PLCB1: variants seen among roughly 807,000 people sequenced by gnomAD.
PLCB1 encodes phospholipase C beta 1.
Under a neutral mutation model 161.8 loss-of-function variants are expected in PLCB1, and 46 were observed. The ratio of observed to expected loss-of-function variants is 0.28; its 90% CI spans 0.22 to 0.36. The LOEUF is 0.36. Among genes scored for constraint, PLCB1 ranks in the 10% least tolerant of loss-of-function variants. The pLI, the probability that PLCB1 is intolerant of heterozygous loss-of-function variation, is 1.00. For synonymous variants in PLCB1, 517 were observed against 503.7 expected (o/e 1.03, Z -0.35); for missense variants, 1,016 against 1,472.5 (o/e 0.69, Z 5.07).
At chr20:8,569,557 A>T (rs925691977) in intron 3 of PLCB1, among the ~76,000 whole-genome samples, 12 of 152,228 alleles carry the variant, frequency 7.9e-5, no homozygotes, top group African/African-American at 2.2e-4. Context: ...CTAGGATATA[A>T]GTATGAAAGA....
chr20:8,382,012 C>A (rs772108420), intron 3 of PLCB1, among the ~76,000 whole-genome samples: 2 of 151,896 alleles, frequency 1.3e-5, no homozygotes, highest in African/African-American at 4.8e-5. Flanking sequence ...ATTAGTTTGG[C>A]CTTGCTTCTA....
intron 2 of PLCB1, among the ~76,000 whole-genome samples, chr20:8,192,689 A>G (rs1311442265): frequency 6.6e-6 from 1 of 151,960 alleles, no homozygotes; most frequent in Non-Finnish European, 1.5e-5. Flanking sequence ...CTAAGGATTC[A>G]GGGGATGGGG....
chr20:8,417,073 ATTTTTTTTTTTTTT>A lies in PLCB1; in HGVS notation c.246+45641_246+45654del, dbSNP rs3031852. Among the ~76,000 whole-genome samples, 6 of 39,892 alleles carry A rather than the reference ATTTTTTTTTTTTTT, an allele frequency of 1.5e-4. No homozygotes were observed. The South Asian group carries it at 6.6e-3, about 44-fold the overall frequency. The allele number at this position is 39,892 out of a possible 152,430, so 26.2% of individuals were successfully genotyped here. On this transcript the variant is annotated intron_variant, in intron 3 of 31. Coordinates refer to ENST00000338037, the MANE Select transcript of PLCB1 (RefSeq NM_015192.4). ...CACACACATATATATATATATATAT[ATTTTTTTTTTTTTT>A]TTTTTTTTTTTTTTTTTGAGATGGA... is the stretch of plus-strand genomic sequence containing the variant.
At chr20:8,501,892 T>C (rs1283089255) in intron 3 of PLCB1, among the ~76,000 whole-genome samples, 5 of 67,048 alleles carry the variant, frequency 7.5e-5, no homozygotes, top group African/African-American at 2.8e-4. Flanking sequence ...TATATATATA[T>C]ATATATATAT....
At chr20:8,169,066 C>T (rs1158202276) in intron 2 of PLCB1, among the ~76,000 whole-genome samples, 1 of 151,874 alleles carries the variant, frequency 6.6e-6, no homozygotes, top group Non-Finnish European at 1.5e-5. Flanking sequence ...TGAGTGTGCT[C>T]TTGGAAGATG....
At chr20:8,738,258 A>G (rs994646371) in intron 20 of PLCB1, among the ~76,000 whole-genome samples, 3 of 152,252 alleles carry the variant, frequency 2.0e-5, no homozygotes, top group African/African-American at 7.2e-5. Flanking sequence ...CTTTGAAAAC[A>G]TAAACGACTT....
intron 9 of PLCB1, among the ~76,000 whole-genome samples, chr20:8,660,993 C>G (rs6118286): frequency 1.3e-5 from 2 of 151,918 alleles, no homozygotes; most frequent in Admixed American, 6.6e-5. Context: ...ATTCTTGATA[C>G]GCTTTTCATA....
intron 3 of PLCB1, among the ~76,000 whole-genome samples, chr20:8,383,955 T>C (rs1987341303): frequency 6.6e-6 from 1 of 152,162 alleles, no homozygotes; most frequent in Non-Finnish European, 1.5e-5. Context: ...CTCTTAACAT[T>C]TTTTCCTACA....
At chr20:8,662,270 T>C (rs1464821699) in intron 9 of PLCB1, among the ~76,000 whole-genome samples, 1 of 122,546 alleles carries the variant, frequency 8.2e-6, no homozygotes, top group African/African-American at 3.3e-5. Context: ...TACATAAGTA[T>C]TTATTATATA....
chr20:8,302,738 C>G (rs1983964615), intron 2 of PLCB1, among the ~76,000 whole-genome samples: 1 of 152,010 alleles, frequency 6.6e-6, no homozygotes, highest in African/African-American at 2.4e-5. Context: ...TATTTTTTAA[C>G]ATACCCCTTC....
chr20:8,548,319 A>T (rs1985640121), intron 3 of PLCB1, among the ~76,000 whole-genome samples: 1 of 79,204 alleles, frequency 1.3e-5, no homozygotes, highest in Non-Finnish European at 2.5e-5. Flanking sequence ...CCTTCCTTCC[A>T]TCATTTTTTC....
intron 11 of PLCB1, among the ~76,000 whole-genome samples, chr20:8,706,505 G>T (rs966388407): frequency 6.6e-6 from 1 of 152,202 alleles, no homozygotes; most frequent in Non-Finnish European, 1.5e-5. Flanking sequence ...GAGAAGGAGA[G>T]GAGGCGAGAA....
At chr20:8,558,649 C>T (rs1034612238) in intron 3 of PLCB1, among the ~76,000 whole-genome samples, 6 of 151,956 alleles carry the variant, frequency 3.9e-5, no homozygotes, top group African/African-American at 1.4e-4. Context: ...TGTAATCAAA[C>T]TGTTGAAAGC....
intron 23 of PLCB1, among the ~76,000 whole-genome samples, chr20:8,754,062 C>A (rs1981615357): frequency 6.6e-6 from 1 of 152,170 alleles, no homozygotes; most frequent in Non-Finnish European, 1.5e-5. Flanking sequence ...CAAAGTCCAG[C>A]ACCAACCCTT....
chr20:8,495,466 C>G (rs1354207283), intron 3 of PLCB1, among the ~76,000 whole-genome samples: 1 of 140,440 alleles, frequency 7.1e-6, no homozygotes, highest in East Asian at 2.1e-4. Flanking sequence ...GGTGCCATCT[C>G]GGCTCACTGA....
At chr20:8,432,542 G>A (rs1181572529) in intron 3 of PLCB1, among the ~76,000 whole-genome samples, 1 of 152,134 alleles carries the variant, frequency 6.6e-6, no homozygotes, top group African/African-American at 2.4e-5. Flanking sequence ...TCTGGGAGTG[G>A]GGGAGAAAAT....
At chr20:8,529,763 G>A (rs185727182) in intron 3 of PLCB1, among the ~76,000 whole-genome samples, 53 of 152,062 alleles carry the variant, frequency 3.5e-4, no homozygotes, top group Non-Finnish European at 4.7e-4. Context: ...ATAGTTTAAC[G>A]TACGTTTCTG....
At chr20:8,300,634 G>A (rs1983864946) in intron 2 of PLCB1, among the ~76,000 whole-genome samples, 1 of 152,074 alleles carries the variant, frequency 6.6e-6, no homozygotes, top group Admixed American at 6.6e-5. Context: ...TTGGTGTGCT[G>A]CACCCATTAA....
chr20:8,788,756 C>T, intron 29 of PLCB1, 34 bp downstream of exon 29: 1 of 1,335,532 alleles, frequency 7.5e-7, no homozygotes, highest in East Asian at 2.3e-5. Flanking sequence ...CCAAACAGTT[C>T]ATCTGGGAAT....
Sources: gnomAD v4.1 joint callset for allele counts (sites outside exome capture counted in the v4.1 genomes callset) on GRCh38, gnomAD v4.1.1 for gene constraint, MANE v1.5 for transcripts, NCBI Gene and HGNC (gene_info 2026-07-23, HGNC 2026-07-21) for gene names.